MYLK: variants seen among roughly 807,000 people sequenced by gnomAD.
The protein encoded by MYLK is myosin light chain kinase, smooth muscle.
A neutral mutation model predicts 203.4 loss-of-function variants in MYLK; 106 were observed. The observed-to-expected ratio is 0.52, with a 90% CI of 0.45 to 0.61. MYLK has a LOEUF of 0.61. Among genes scored for constraint, MYLK ranks in the 20% least tolerant of loss-of-function variants. The probability of loss-of-function intolerance (pLI) is 0.00; values close to 1 mark genes in which losing one functional copy is unlikely to be tolerated. For synonymous variants in MYLK, 867 were observed against 959.5 expected, an observed-to-expected ratio of 0.90 and a Z score of 1.78; for missense variants, 2,072 against 2,442.3, an observed-to-expected ratio of 0.85 and a Z score of 3.20.
intron 24 of MYLK, 90 bp downstream of exon 24, chr3:123,657,036 C>G (rs1038341892): frequency 4.8e-6 from 7 of 1,446,944 alleles, no homozygotes; most frequent in Non-Finnish European, 6.8e-6. Flanking sequence ...TTCCTCAGTT[C>G]CTTTTCACCC....
rs200022087 is a variant in MYLK, at chr3:123,664,267, G to A, written c.3832-9C>T. On this transcript the variant is annotated splice_polypyrimidine_tract_variant and intron_variant, in intron 22 of 33. Coordinates refer to ENST00000360304, the MANE Select transcript of MYLK (RefSeq NM_053025.4). The stretch of plus-strand genomic sequence containing the variant: ...TGCTCGCTTTCCTGGATCTAGGGGC[G>A]GAGGATGGAGCAGGTGCTGGAGCCT... 4.8e-5 allele frequency: 78 copies of A among 1,614,046 alleles called. No homozygotes were observed. Among genetic ancestry groups the A allele is most frequent in the African/African-American group, 1.9e-4 (14 of 74,922 alleles).
At chr3:123,797,340 T>C (rs752265370) in intron 3 of MYLK, among the ~76,000 whole-genome samples, 18 of 152,142 alleles carry the variant, frequency 1.2e-4, no homozygotes, top group Non-Finnish European at 2.4e-4. Flanking sequence ...ATTCACTCAA[T>C]TAAAATATAT....
chr3:123,849,332 C>T (rs2030451676), intron 2 of MYLK, among the ~76,000 whole-genome samples: 1 of 152,034 alleles, frequency 6.6e-6, no homozygotes, highest in African/African-American at 2.4e-5. Flanking sequence ...ATAAATTTTC[C>T]TCAAAGAATA....
At chr3:123,690,844 A>C (rs572006819) in intron 19 of MYLK, among the ~76,000 whole-genome samples, 45 of 152,248 alleles carry the variant, frequency 3.0e-4, no homozygotes, top group African/African-American at 1.1e-3. Flanking sequence ...CTAACTCTGC[A>C]TTTGAAGGAA....
intron 3 of MYLK, among the ~76,000 whole-genome samples, chr3:123,804,048 C>T (rs1481856256): frequency 6.6e-6 from 1 of 152,228 alleles, no homozygotes; most frequent in Non-Finnish European, 1.5e-5. Context: ...TGACTTAGAA[C>T]TCATTTAATC....
chr3:123,664,016 G>A, intron 23 of MYLK, 89 bp downstream of exon 23: 1 of 1,563,146 alleles, frequency 6.4e-7, no homozygotes. Flanking sequence ...GATAATGGGT[G>A]ATGAAGTCCT....
At chr3:123,695,887 G>A (rs749077396) in intron 18 of MYLK, among the ~76,000 whole-genome samples, 1 of 152,072 alleles carries the variant, frequency 6.6e-6, no homozygotes, top group Admixed American at 6.5e-5. Flanking sequence ...CGGGACCATC[G>A]GCCTCCCACC....
intron 4 of MYLK, among the ~76,000 whole-genome samples, chr3:123,753,640 T>G (rs1362738933): frequency 6.6e-6 from 1 of 152,118 alleles, no homozygotes; most frequent in African/African-American, 2.4e-5. Flanking sequence ...CTTTGAGTTT[T>G]AAAGAAAGGA....
rs914897636 is a variant in MYLK, at chr3:123,648,720, C to T, written c.4415+251G>A. Among the ~76,000 whole-genome samples, 1 of 152,074 alleles carries T rather than the reference C, an allele frequency of 6.6e-6. No individual in the cohort carries two copies. Among genetic ancestry groups the T allele is most frequent in the East Asian group, 1.9e-4 (1 of 5,166 alleles). On this transcript the variant is annotated intron_variant, in intron 26 of 33. Transcript: ENST00000360304. The surrounding 1 kb of genome is among the most constrained non-coding windows in gnomAD (Gnocchi z 4.5). ...TGGTCCTGGGCTCTGAACAGAGGCA[C>T]AGAAAAGGAAGGACTTGCCCACAGC...
chr3:123,623,912 T>G (rs977425647), intron 31 of MYLK: 8 of 152,192 alleles, frequency 5.3e-5, no homozygotes, highest in African/African-American at 1.9e-4. Flanking sequence ...GAAAAATCAT[T>G]TCCAAATGTC....
intron 4 of MYLK, among the ~76,000 whole-genome samples, chr3:123,781,744 C>T (rs2064307112): frequency 1.4e-5 from 1 of 72,310 alleles, no homozygotes; most frequent in African/African-American, 5.6e-5. Context: ...CTCAACACCA[C>T]AGTCCTCACA....
chr3:123,880,913 G>C (rs970736750), intron 1 of MYLK, among the ~76,000 whole-genome samples: 2 of 152,212 alleles, frequency 1.3e-5, no homozygotes, highest in Non-Finnish European at 2.9e-5. Context: ...ACAAGGAGGA[G>C]GGATGCACCT....
At chr3:123,705,218 G>A (rs1441194242) in intron 16 of MYLK, among the ~76,000 whole-genome samples, 3 of 152,086 alleles carry the variant, frequency 2.0e-5, no homozygotes, top group Admixed American at 6.5e-5. Flanking sequence ...CTGGAGGAGT[G>A]AGGTCTCTGG....
At chr3:123,862,353 C>T (rs2031998715) in intron 2 of MYLK, among the ~76,000 whole-genome samples, 1 of 152,222 alleles carries the variant, frequency 6.6e-6, no homozygotes, top group Non-Finnish European at 1.5e-5. Flanking sequence ...ATAGCTGACA[C>T]ACCATTATTG....
intron 2 of MYLK, among the ~76,000 whole-genome samples, chr3:123,838,619 A>G (rs1339324659): frequency 1.3e-5 from 2 of 152,218 alleles, no homozygotes; most frequent in Non-Finnish European, 2.9e-5. Context: ...TAACAACAAC[A>G]GCACAAGAGT....
intron 27 of MYLK, among the ~76,000 whole-genome samples, chr3:123,646,476 G>A (rs1252761018): frequency 1.3e-5 from 2 of 152,214 alleles, no homozygotes; most frequent in African/African-American, 4.8e-5. Flanking sequence ...TGTGGGGGAT[G>A]CCTGGCTTGC....
At chr3:123,737,212 C>T in intron 8 of MYLK, 166 bp downstream of exon 8, 2 of 708,416 alleles carry the variant, frequency 2.8e-6, no homozygotes, top group South Asian at 3.6e-5. Context: ...GAGCAAGACT[C>T]TGTCTGAAGA....
chr3:123,732,602 G>GT (rs1161016007), intron 11 of MYLK, among the ~76,000 whole-genome samples: 1 of 152,122 alleles, frequency 6.6e-6, no homozygotes, highest in African/African-American at 2.4e-5. Context: ...GGTTACAAAC[G>GT]TGAGTCACGG....
chr3:123,805,499 T>C (rs112147291), intron 3 of MYLK, among the ~76,000 whole-genome samples: 3 of 150,844 alleles, frequency 2.0e-5, no homozygotes, highest in Non-Finnish European at 3.0e-5. Flanking sequence ...AGGGTTTTTT[T>C]CCCATACAAT....
Sources: gnomAD v4.1 joint callset for allele counts (sites outside exome capture counted in the v4.1 genomes callset) on GRCh38, gnomAD v4.1.1 for gene constraint, Gnocchi (gnomAD v3.1) non-coding constraint, MANE v1.5 for transcripts, NCBI Gene and HGNC (gene_info 2026-07-23, HGNC 2026-07-21) for gene names.